Variants in SUSD4 observed in about 807,000 individuals in gnomAD.
SUSD4 encodes the protein sushi domain containing 4, also known as sushi domain-containing protein 4.
A neutral mutation model predicts 50.5 loss-of-function variants in SUSD4; 41 were observed. The observed-to-expected ratio is 0.81, with a 90% CI of 0.63 to 1.05. SUSD4 has a LOEUF of 1.05. Ranked by LOEUF, SUSD4 falls within the 50% of genes least tolerant of loss-of-function variation. The pLI is 0.00. For missense variants in SUSD4, 580 were observed against 634.7 expected (o/e 0.91, Z 0.93); for synonymous variants, 257 against 257.3 (o/e 1.00, Z 0.01).
At chr1:223,360,064 C>T (rs1572141892) in intron 2 of SUSD4, 2 of 389,062 alleles carry the variant, frequency 5.1e-6, no homozygotes, top group African/African-American at 4.2e-5. Flanking sequence ...TCCTTCACAC[C>T]AACCCTATAA....
At chr1:223,285,756 C>A (rs1664093256) in intron 3 of SUSD4, among the ~76,000 whole-genome samples, 1 of 152,136 alleles carries the variant, frequency 6.6e-6, no homozygotes, top group Non-Finnish European at 1.5e-5. Flanking sequence ...AAACAAATAC[C>A]TCATGTTCTC....
At chr1:223,250,260 C>T (rs2103040132) in intron 5 of SUSD4, among the ~76,000 whole-genome samples, 1 of 152,228 alleles carries the variant, frequency 6.6e-6, no homozygotes, top group East Asian at 1.9e-4. Context: ...GCACAAAGTG[C>T]CTGGCACAAA....
intron 2 of SUSD4, among the ~76,000 whole-genome samples, chr1:223,334,816 C>T (rs1667368396): frequency 6.6e-6 from 1 of 152,106 alleles, no homozygotes; most frequent in East Asian, 1.9e-4. Flanking sequence ...CACTGAACCC[C>T]ACTTGTAGTC....
At chr1:223,256,417 T>A (rs1661695547) in intron 5 of SUSD4, among the ~76,000 whole-genome samples, 1 of 152,186 alleles carries the variant, frequency 6.6e-6, no homozygotes, top group Non-Finnish European at 1.5e-5. Flanking sequence ...CCTGGAGTTG[T>A]CTAGAGGCTG....
At chr1:223,309,510 G>A (rs1043950229) in intron 2 of SUSD4, among the ~76,000 whole-genome samples, 2 of 152,160 alleles carry the variant, frequency 1.3e-5, no homozygotes, top group African/African-American at 4.8e-5. Flanking sequence ...CTCAGGACTG[G>A]GGAGGGGCTA....
At chr1:223,324,564 A>C (rs374662777) in intron 2 of SUSD4, among the ~76,000 whole-genome samples, 38 of 152,128 alleles carry the variant, frequency 2.5e-4, no homozygotes, top group East Asian at 1.5e-3. Flanking sequence ...AAGATGCTGG[A>C]TCAGTAAGAC....
chr1:223,263,188 G>C (rs1486200230), intron 5 of SUSD4, among the ~76,000 whole-genome samples: 5 of 152,176 alleles, frequency 3.3e-5, no homozygotes, highest in Non-Finnish European at 5.9e-5. Context: ...GAAGCCTCCA[G>C]AACTAGGGAA....
chr1:223,355,146 C>T (rs1322544039), intron 2 of SUSD4, among the ~76,000 whole-genome samples: 3 of 151,484 alleles, frequency 2.0e-5, no homozygotes, highest in Admixed American at 2.0e-4. Context: ...ACAATCTCGG[C>T]TCACTGTAAT....
chr1:223,327,918 A>G (rs1417744), intron 2 of SUSD4, among the ~76,000 whole-genome samples: 145,481 of 152,220 alleles, frequency 0.96, 69,858 homozygotes, highest in East Asian at 1. Flanking sequence ...ATCTTCCTGA[A>G]GGGTGATGTC....
intron 5 of SUSD4, among the ~76,000 whole-genome samples, chr1:223,239,381 C>T (rs900905813): frequency 3.3e-5 from 5 of 151,990 alleles, no homozygotes; most frequent in African/African-American, 9.7e-5. Flanking sequence ...TATGTGTTAT[C>T]GTTTTTTGTT....
At chr1:223,330,307 C>G (rs1178746238) in intron 2 of SUSD4, among the ~76,000 whole-genome samples, 2 of 152,166 alleles carry the variant, frequency 1.3e-5, no homozygotes. Context: ...TCCAGCTAAA[C>G]CACAATCCAC....
At chr1:223,361,567 A>T (rs1455008691) in intron 2 of SUSD4, among the ~76,000 whole-genome samples, 1 of 152,166 alleles carries the variant, frequency 6.6e-6, no homozygotes, top group Non-Finnish European at 1.5e-5. Context: ...CATGATGTAC[A>T]CTGAGCTCTG....
intron 5 of SUSD4, among the ~76,000 whole-genome samples, chr1:223,248,568 A>G (rs2103036945): frequency 6.6e-6 from 1 of 152,334 alleles, no homozygotes; most frequent in African/African-American, 2.4e-5. Flanking sequence ...ACAGCACATT[A>G]CATTTTCCAC....
intron 1 of SUSD4, 151 bp from the exon 2 acceptor site, chr1:223,363,611 G>A: frequency 6.7e-6 from 6 of 899,284 alleles, no homozygotes; most frequent in Admixed American, 3.1e-5. Context: ...TTCCCACGGC[G>A]AGGTCCCCCG....
chr1:223,359,204 C>A (rs973788210), intron 2 of SUSD4: 2 of 461,398 alleles, frequency 4.3e-6, no homozygotes, highest in African/African-American at 2.0e-5. Context: ...TCCCCACTGC[C>A]TGCTGTGTGA....
At chr1:223,247,279 G>A (rs1159806804) in intron 5 of SUSD4, among the ~76,000 whole-genome samples, 4 of 152,168 alleles carry the variant, frequency 2.6e-5, no homozygotes, top group African/African-American at 9.7e-5. Context: ...GGAATATGAA[G>A]AGAAATGATA....
Position 223,232,371 on chromosome 1 carries a change from C to G in SUSD4, c.725-2983G>C, listed in dbSNP as rs1376869303. Among the ~76,000 whole-genome samples the G allele has an allele frequency of 4.0e-5, 6 of 151,796 alleles. No individual in the cohort carries two copies. In the East Asian group the frequency reaches 1.2e-3, roughly 29 times the overall value. On this transcript the variant is annotated intron_variant, in intron 5 of 8. Coordinates refer to ENST00000366878, the MANE Select transcript of SUSD4 (RefSeq NM_017982.4). ...TAGTCATTTCACTGTGTAGATGTATCTCAAAACATCATGTTGTACACCTTA... is the reference window on the plus strand; with the variant it reads ...TAGTCATTTCACTGTGTAGATGTATGTCAAAACATCATGTTGTACACCTTA...
At chr1:223,363,016 G>A (rs1669085699) in intron 2 of SUSD4, among the ~76,000 whole-genome samples, 3 of 149,676 alleles carry the variant, frequency 2.0e-5, no homozygotes, top group African/African-American at 7.4e-5. Flanking sequence ...TTCCTTGGGA[G>A]AAGCCAGGCC....
chr1:223,320,408 A>G (rs765101821), intron 2 of SUSD4, among the ~76,000 whole-genome samples: 2 of 152,072 alleles, frequency 1.3e-5, no homozygotes, highest in South Asian at 2.1e-4. Flanking sequence ...AGACCAGGAC[A>G]CTAGGCGCTC....
Sources: gnomAD v4.1 joint callset for allele counts (sites outside exome capture counted in the v4.1 genomes callset) on GRCh38, gnomAD v4.1.1 for gene constraint, MANE v1.5 for transcripts, NCBI Gene and HGNC (gene_info 2026-07-23, HGNC 2026-07-21) for gene names.